The following NCOA3 variants were observed in gnomAD, a reference collection of about 807,000 sequenced individuals.
The protein encoded by NCOA3 is CBP-interacting protein.
In NCOA3, 51 loss-of-function variants were observed where a neutral mutation model predicts 158.8. That is an observed-to-expected ratio of 0.32 (90% CI 0.26 to 0.41). The LOEUF (loss-of-function observed/expected upper bound fraction) is 0.41, where lower values mean the gene tolerates loss of function less well. Among genes scored for constraint, NCOA3 ranks in the 10% least tolerant of loss-of-function variants. NCOA3 has a pLI of 1.00. For synonymous variants in NCOA3, 537 were observed against 592.4 expected (o/e 0.91, Z 1.36); for missense variants, 1,510 against 1,746.6 (o/e 0.86, Z 2.41).
chr20:47,640,812 C>T (rs988348205), intron 16 of NCOA3, among the ~76,000 whole-genome samples: 11 of 151,596 alleles, frequency 7.3e-5, no homozygotes, highest in Non-Finnish European at 1.3e-4. Flanking sequence ...GGCGTGAACC[C>T]GGGTGGCGGA....
intron 1 of NCOA3, among the ~76,000 whole-genome samples, chr20:47,539,786 A>G (rs894468232): frequency 1.3e-5 from 2 of 152,192 alleles, no homozygotes; most frequent in Non-Finnish European, 2.9e-5. Context: ...TGGCCCCCCA[A>G]AGTGTTGGGA....
At chr20:47,630,855 A>C (rs2086403067) in intron 8 of NCOA3, 1 of 154,796 alleles carries the variant, frequency 6.5e-6, no homozygotes, top group Non-Finnish European at 1.4e-5. Context: ...TTGGGTCACA[A>C]CTTCCATCAT....
intron 1 of NCOA3, among the ~76,000 whole-genome samples, chr20:47,530,971 T>C (rs1026520638): frequency 6.6e-6 from 1 of 152,174 alleles, no homozygotes. Context: ...TACAAATACA[T>C]TGTAATTATC....
intron 9 of NCOA3, 130 bp from the exon 10 acceptor site, chr20:47,633,917 AT>A: frequency 1.7e-6 from 2 of 1,212,018 alleles, no homozygotes; most frequent in South Asian, 1.5e-5. Flanking sequence ...CCTGTTGATG[AT>A]TTTGGTGCAG....
At chr20:47,630,507 G>C (rs1341676559) in intron 8 of NCOA3, 1 of 130,450 alleles carries the variant, frequency 7.7e-6, no homozygotes, top group East Asian at 2.6e-4. Flanking sequence ...CTGTTGCCCA[G>C]GCTGGAGTGC....
chr20:47,595,103 C>CTT (rs112571784), intron 2 of NCOA3, among the ~76,000 whole-genome samples: 13 of 129,472 alleles, frequency 1.0e-4, no homozygotes, highest in Non-Finnish European at 1.6e-4. Context: ...TTAAAATGAC[C>CTT]TTTTTTTTTT....
At chr20:47,568,396 G>A (rs1253701573) in intron 1 of NCOA3, among the ~76,000 whole-genome samples, 1 of 152,162 alleles carries the variant, frequency 6.6e-6, no homozygotes, top group Non-Finnish European at 1.5e-5. Flanking sequence ...GTGATAAAAT[G>A]AGTCACTAAT....
At chr20:47,591,083 C>T (rs1336026985) in intron 2 of NCOA3, among the ~76,000 whole-genome samples, 3 of 152,146 alleles carry the variant, frequency 2.0e-5, no homozygotes, top group African/African-American at 7.2e-5. Flanking sequence ...GCATTCCAGC[C>T]TGGGAAACAG....
At chr20:47,503,564 C>A (rs931208792) in intron 1 of NCOA3, among the ~76,000 whole-genome samples, 2 of 152,008 alleles carry the variant, frequency 1.3e-5, no homozygotes, top group Non-Finnish European at 2.9e-5. Flanking sequence ...CTGTTGGATA[C>A]CAAAAGCAGG....
At chr20:47,536,899 A>T (rs1325414005) in intron 1 of NCOA3, among the ~76,000 whole-genome samples, 2 of 146,646 alleles carry the variant, frequency 1.4e-5, no homozygotes. Flanking sequence ...CGCCTCCTGG[A>T]TTCAAGCAAT....
intron 1 of NCOA3, among the ~76,000 whole-genome samples, chr20:47,505,640 A>G (rs1427465484): frequency 6.6e-6 from 1 of 152,170 alleles, no homozygotes; most frequent in Admixed American, 6.5e-5. Context: ...TGAGCGGTTA[A>G]AGCTCTGAGA....
intron 2 of NCOA3, among the ~76,000 whole-genome samples, chr20:47,590,387 T>C (rs2146237388): frequency 6.6e-6 from 1 of 152,308 alleles, no homozygotes; most frequent in East Asian, 1.9e-4. Context: ...GTGGTATGAT[T>C]GTGGCTCATT....
At chr20:47,642,191 T>C (rs1316665783) in intron 16 of NCOA3, 22 bp from the exon 17 acceptor site, 3 of 1,534,440 alleles carry the variant, frequency 2.0e-6, no homozygotes, top group Middle Eastern at 1.7e-4. Context: ...ACCATTGACA[T>C]TGATTGCAAG....
chr20:47,572,354 T>C (rs1348660681), intron 1 of NCOA3, among the ~76,000 whole-genome samples: 1 of 151,904 alleles, frequency 6.6e-6, no homozygotes, highest in African/African-American at 2.4e-5. Flanking sequence ...CAGTGAGATG[T>C]GATTGCACCA....
At chr20:47,570,939 T>TACACACACAC (rs71183265) in intron 1 of NCOA3, among the ~76,000 whole-genome samples, 120 of 114,968 alleles carry the variant, frequency 1.0e-3, no homozygotes, top group African/African-American at 3.9e-3. Flanking sequence ...GTAATATATA[T>TACACACACAC]ACACACACAC....
At chr20:47,595,090 C>A (rs1482119370) in intron 2 of NCOA3, among the ~76,000 whole-genome samples, 2 of 151,398 alleles carry the variant, frequency 1.3e-5, no homozygotes, top group East Asian at 3.9e-4. Context: ...CCACGCCCAG[C>A]CTTTAAAATG....
intron 2 of NCOA3, among the ~76,000 whole-genome samples, chr20:47,600,955 C>T (rs1306458834): frequency 6.6e-6 from 1 of 152,018 alleles, no homozygotes; most frequent in East Asian, 1.9e-4. Context: ...AAGACAATTC[C>T]TATTGATAAT....
At position 47,594,664 on chromosome 20, in the gene NCOA3, C is replaced by CAAAAAAAAAA. The variant is rs377014290; in HGVS notation, c.-20+11425_-20+11434dup. Among the ~76,000 whole-genome samples, 321 of 72,910 alleles carry CAAAAAAAAAA rather than the reference C, an allele frequency of 4.4e-3. 7 individuals carry two copies. The highest frequency in any genetic ancestry group is 5.7e-3 in the Non-Finnish European group (231 of 40,704). 47.8% of individuals were successfully genotyped at this position (72,910 alleles called of 152,430 possible). On this transcript the variant is annotated intron_variant, in intron 2 of 22. Transcript: ENST00000371998. ...TGGGCGACAGAGCGAGACTCTGTCT[C>CAAAAAAAAAA]AAAAAAAAAAAAAAAAAAAAAAAAA... is the stretch of plus-strand genomic sequence containing the variant.
chr20:47,519,049 T>A (rs1310525683), intron 1 of NCOA3, among the ~76,000 whole-genome samples: 3 of 151,390 alleles, frequency 2.0e-5, no homozygotes, highest in Admixed American at 6.6e-5. Flanking sequence ...GGCAGGAGAA[T>A]CGCTTGAACC....
Sources: gnomAD v4.1 joint callset for allele counts (sites outside exome capture counted in the v4.1 genomes callset) on GRCh38, gnomAD v4.1.1 for gene constraint, MANE v1.5 for transcripts, NCBI Gene and HGNC (gene_info 2026-07-23, HGNC 2026-07-21) for gene names.